The following SH3KBP1 variants were observed in gnomAD, a reference collection of about 807,000 sequenced individuals.
SH3KBP1 encodes the protein SH3 domain containing kinase binding protein 1, also known as SH3 domain-containing kinase-binding protein 1.
SH3KBP1 carries 8 observed loss-of-function variants against 50.1 expected under a neutral mutation model. The observed-to-expected ratio is 0.16, with a 90% CI of 0.09 to 0.29. SH3KBP1 has a LOEUF of 0.29. SH3KBP1 is among the 10% of genes least tolerant of loss of function. SH3KBP1 has a pLI of 1.00. For missense variants in SH3KBP1, 377 were observed against 535.2 expected (o/e 0.70, Z 2.92); for synonymous variants, 227 against 218.6 (o/e 1.04, Z -0.34).
At chrX:19,785,546 A>G (rs927909881) in intron 2 of SH3KBP1, among the ~76,000 whole-genome samples, 1 of 110,880 alleles carries the variant, frequency 9.0e-6, no homozygotes, top group Admixed American at 9.6e-5. Context: ...ATATATTCTC[A>G]AACTGCTCAG....
intron 5 of SH3KBP1, among the ~76,000 whole-genome samples, chrX:19,685,895 T>A (rs937355491): frequency 9.0e-6 from 1 of 111,284 alleles, no homozygotes. Context: ...GCAAACAGAT[T>A]AGGGCAAGTC....
At chrX:19,675,078 C>T (rs2062893617) in intron 6 of SH3KBP1, among the ~76,000 whole-genome samples, 1 of 106,673 alleles carries the variant, frequency 9.4e-6, no homozygotes, top group African/African-American at 3.5e-5. Flanking sequence ...GACCCTGCCT[C>T]AAATAAATAA....
chrX:19,868,428 G>A (rs2068964111), intron 1 of SH3KBP1, among the ~76,000 whole-genome samples: 1 of 109,967 alleles, frequency 9.1e-6, no homozygotes, highest in African/African-American at 3.3e-5. Flanking sequence ...CAATCACAAA[G>A]TATCAGAAAA....
chrX:19,682,333 TACACACACACACACACACACACAC>T (rs59044973), intron 6 of SH3KBP1, among the ~76,000 whole-genome samples: 2 of 75,918 alleles, frequency 2.6e-5, no homozygotes, highest in Admixed American at 1.5e-4. Context: ...ATAAGAGTCA[TACACACACACACACACACACACAC>T]ACACACACAC....
chrX:19,801,350 G>A (rs1427777288), intron 2 of SH3KBP1, among the ~76,000 whole-genome samples: 1 of 111,328 alleles, frequency 9.0e-6, no homozygotes, highest in African/African-American at 3.3e-5. Context: ...CTGCCCCTGG[G>A]GTCCACCCTA....
At position 19,773,095 on chromosome X, in the gene SH3KBP1, TAC is replaced by T. The variant is rs113825224; in HGVS notation, c.163-26656_163-26655del. Reference sequence around the variant, plus strand: ...CAAGCATAGAGACTCACATAGAGAATACAGATAGGCACACAGACACAAATAGG... The same window carrying T: ...CAAGCATAGAGACTCACATAGAGAATAGATAGGCACACAGACACAAATAGG... On this transcript the variant is annotated intron_variant, in intron 2 of 17. Transcript: ENST00000397821. Among the ~76,000 whole-genome samples the T allele has an allele frequency of 3.5e-3, 381 of 110,357 alleles. 2 individuals are homozygous for T. The highest frequency in any genetic ancestry group is 0.012 in the African/African-American group (360 of 30,275).
rs781058546 is a variant in SH3KBP1, at chrX:19,635,335, C to T, written c.803-3377G>A. 4.6e-5 allele frequency among the ~76,000 whole-genome samples: 5 copies of T among 108,617 alleles called. No homozygotes were observed. In the South Asian group the frequency reaches 1.7e-3, roughly 36 times the overall value. 94.3% of individuals were successfully genotyped at this position (108,617 alleles called of 115,157 possible). ...GACACAGGGACAGAAAACCAAGCAC[C>T]GCATGTTCTCACTCATAAGTGGGAG... is the stretch of plus-strand genomic sequence containing the variant. On this transcript the variant is annotated intron_variant, in intron 7 of 17. Coordinates refer to ENST00000397821, the MANE Select transcript of SH3KBP1 (RefSeq NM_031892.3).
At chrX:19,537,445 G>A (rs1390896878) in intron 17 of SH3KBP1, among the ~76,000 whole-genome samples, 2 of 100,831 alleles carry the variant, frequency 2.0e-5, no homozygotes, top group Non-Finnish European at 4.0e-5. Context: ...GTCACAGAGC[G>A]AGACTCCGTC....
intron 2 of SH3KBP1, among the ~76,000 whole-genome samples, chrX:19,768,427 C>A (rs1324010576): frequency 2.0e-5 from 2 of 100,772 alleles, no homozygotes; most frequent in South Asian, 4.9e-4. Flanking sequence ...CAATACATTC[C>A]ATCCACAACC....
chrX:19,588,853 A>G (rs763814171), intron 11 of SH3KBP1, 51 bp from the exon 12 acceptor site: 13 of 968,006 alleles, frequency 1.3e-5, no homozygotes, highest in Admixed American at 3.4e-5. Context: ...AAGTGACAGT[A>G]CTTAGATGCA....
chrX:19,646,670 T>A (rs2061997190), intron 6 of SH3KBP1, among the ~76,000 whole-genome samples: 1 of 112,706 alleles, frequency 8.9e-6, no homozygotes, highest in Admixed American at 9.4e-5. Context: ...ACCACAGTTT[T>A]TAATTTGAAA....
chrX:19,853,897 C>T (rs1241792270), intron 1 of SH3KBP1, among the ~76,000 whole-genome samples: 2 of 106,947 alleles, frequency 1.9e-5, no homozygotes, highest in African/African-American at 6.8e-5. Flanking sequence ...GGGAGGCAGA[C>T]GTTGCAGTGA....
chrX:19,822,300 C>T (rs1226456394), intron 2 of SH3KBP1, among the ~76,000 whole-genome samples: 1 of 111,788 alleles, frequency 8.9e-6, no homozygotes, highest in Non-Finnish European at 1.9e-5. Flanking sequence ...TCTGATGACC[C>T]AAATGTTAGA....
intron 3 of SH3KBP1, among the ~76,000 whole-genome samples, chrX:19,715,274 C>CAA (rs35221727): frequency 3.6e-3 from 144 of 40,295 alleles, no homozygotes; most frequent in Non-Finnish European, 4.9e-3. Flanking sequence ...ACCTTGTCTC[C>CAA]AAAAAAAAAA....
Position 19,572,524 on chromosome X carries a change from ACTCT to A in SH3KBP1, c.1299-3340_1299-3337del, listed in dbSNP as rs771313565. Among the ~76,000 whole-genome samples, 247 of 104,328 alleles carry A rather than the reference ACTCT, an allele frequency of 2.4e-3. 3 individuals carry two copies. Among genetic ancestry groups the A allele is most frequent in the African/African-American group, 7.5e-3 (217 of 28,823 alleles). 90.6% of individuals were successfully genotyped at this position (104,328 alleles called of 115,157 possible). On this transcript the variant is annotated intron_variant, in intron 12 of 17. Transcript: ENST00000397821. ...GTACATATATATGTCACATATATGTACTCTCTCTCTCTCTCTGTCTATATATAAA... is the reference window on the plus strand; with the variant it reads ...GTACATATATATGTCACATATATGTACTCTCTCTCTCTGTCTATATATAAA...
intron 3 of SH3KBP1, among the ~76,000 whole-genome samples, chrX:19,740,110 C>G (rs1022328635): frequency 9.0e-6 from 1 of 111,415 alleles, no homozygotes; most frequent in Non-Finnish European, 1.9e-5. Flanking sequence ...GTAGTTCTTA[C>G]CATGCATTTC....
chrX:19,707,869 A>ACAGC (rs1001585656), intron 3 of SH3KBP1, among the ~76,000 whole-genome samples: 1 of 108,876 alleles, frequency 9.2e-6, no homozygotes, highest in African/African-American at 3.4e-5. Flanking sequence ...AGACAGACAG[A>ACAGC]CAGCAGTGGA....
chrX:19,724,747 T>C (rs756438566), intron 3 of SH3KBP1, among the ~76,000 whole-genome samples: 1 of 112,612 alleles, frequency 8.9e-6, no homozygotes, highest in South Asian at 3.6e-4. Context: ...AATATTTTTT[T>C]AAAAAGGAAG....
At position 19,652,123 on chromosome X, in the gene SH3KBP1, C is replaced by T. The variant is rs764943734; in HGVS notation, c.727-6648G>A. ...TCCTTGACAAACCAGAGAGCCTCTA[C>T]GCCTCTTAGATTAGAGCCCTACTGT... On this transcript the variant is annotated intron_variant, in intron 6 of 17. Coordinates refer to ENST00000397821, the MANE Select transcript of SH3KBP1 (RefSeq NM_031892.3). 4.5e-5 allele frequency among the ~76,000 whole-genome samples: 5 copies of T among 111,065 alleles called. No homozygotes were observed. In the South Asian group the frequency reaches 1.2e-3, roughly 26 times the overall value.
Sources: allele counts gnomAD v4.1 joint callset (sites outside exome capture counted in the v4.1 genomes callset), GRCh38; gene constraint gnomAD v4.1.1; transcripts MANE v1.5; gene names NCBI Gene and HGNC (gene_info 2026-07-23, HGNC 2026-07-21).